ATP2B2: variants seen among roughly 807,000 people sequenced by gnomAD.
ATP2B2 encodes ATPase plasma membrane Ca2+ transporting 2, also known as plasma membrane calcium-transporting ATPase 2.
Under a neutral mutation model 120.0 loss-of-function variants are expected in ATP2B2, and 15 were observed. That is an observed-to-expected ratio of 0.12 (90% CI 0.08 to 0.19). ATP2B2 has a LOEUF of 0.19. ATP2B2 is among the 10% of genes least tolerant of loss of function. ATP2B2 has a pLI of 1.00. For synonymous variants in ATP2B2, 694 were observed against 700.3 expected, an observed-to-expected ratio of 0.99 and a Z score of 0.14; for missense variants, 1,045 against 1,719.8, an observed-to-expected ratio of 0.61 and a Z score of 6.94.
intron 1 of ATP2B2, among the ~76,000 whole-genome samples, chr3:10,663,079 C>T (rs1347235378): frequency 6.7e-5 from 8 of 118,980 alleles, no homozygotes; most frequent in African/African-American, 2.7e-4. Flanking sequence ...ACATCACACA[C>T]CGGGGCCTGT....
chr3:10,369,787 G>C (rs568939488), intron 12 of ATP2B2, among the ~76,000 whole-genome samples: 5 of 152,332 alleles, frequency 3.3e-5, no homozygotes, highest in East Asian at 1.9e-4. Context: ...TGAGGGATTT[G>C]AACGAAGGCA....
At chr3:10,581,863 G>C (rs66474854) in intron 2 of ATP2B2, among the ~76,000 whole-genome samples, 1 of 152,122 alleles carries the variant, frequency 6.6e-6, no homozygotes. Flanking sequence ...AAAGCAGATC[G>C]AACAGTGCCT....
chr3:10,596,639 G>A (rs4306838), intron 2 of ATP2B2, among the ~76,000 whole-genome samples: 142,921 of 152,364 alleles, frequency 0.94, 67,162 homozygotes, highest in East Asian at 1. Context: ...GAGGAAAACA[G>A]AAAGTCCCAG....
intron 1 of ATP2B2, among the ~76,000 whole-genome samples, chr3:10,471,370 G>GTGTGTGTGTT (rs2064989516): frequency 3.2e-5 from 1 of 31,744 alleles, no homozygotes; most frequent in Non-Finnish European, 5.0e-5. Flanking sequence ...AAACCTGTGT[G>GTGTGTGTGTT]TGTGTGTGTG....
chr3:10,701,645 C>A (rs1195756678), intron 1 of ATP2B2, among the ~76,000 whole-genome samples: 1 of 151,230 alleles, frequency 6.6e-6, no homozygotes, highest in Non-Finnish European at 1.5e-5. Flanking sequence ...CAAGACCCAT[C>A]ATTTCTTTTG....
Position 10,486,324 on chromosome 3 carries a change from C to CGTGTGTGCGTGTGT in ATP2B2, c.-320+19140_-320+19141insACACACGCACACAC, listed in dbSNP as rs763360449. On this transcript the variant is annotated intron_variant, in intron 1 of 22. Coordinates refer to ENST00000360273, the MANE Select transcript of ATP2B2 (RefSeq NM_001001331.4). ...AACAGCAGCCAGGTGTGTGTGCGTG[C>CGTGTGTGCGTGTGT]GTGTGTGTGTGTGTGTGTGTGTGTG... is the stretch of plus-strand genomic sequence containing the variant. Among the ~76,000 whole-genome samples, 630 of 117,152 alleles carry CGTGTGTGCGTGTGT rather than the reference C, an allele frequency of 5.4e-3. 4 individuals are homozygous for CGTGTGTGCGTGTGT. Among genetic ancestry groups the CGTGTGTGCGTGTGT allele is most frequent in the East Asian group, 0.019 (88 of 4,530 alleles). The allele number at this position is 117,152 out of a possible 152,430, so 76.9% of individuals were successfully genotyped here. A position where few individuals can be genotyped will look rare whatever the true frequency, so the allele number is the denominator to read the frequency against.
intron 8 of ATP2B2, among the ~76,000 whole-genome samples, chr3:10,384,871 G>T (rs965859286): frequency 6.6e-6 from 1 of 152,206 alleles, no homozygotes; most frequent in African/African-American, 2.4e-5. Flanking sequence ...TGGGGACCCA[G>T]ATGCCAGCTT....
At chr3:10,667,767 C>T (rs965768730) in intron 1 of ATP2B2, among the ~76,000 whole-genome samples, 8 of 152,118 alleles carry the variant, frequency 5.3e-5, no homozygotes, top group African/African-American at 9.7e-5. Context: ...GGAGAGCTGC[C>T]GTTAGAAGGA....
intron 1 of ATP2B2, among the ~76,000 whole-genome samples, chr3:10,502,712 G>A (rs748177277): frequency 2.0e-5 from 3 of 152,352 alleles, no homozygotes; most frequent in African/African-American, 4.8e-5. Flanking sequence ...GGCCACGCCC[G>A]CCTGGGGAAG....
At chr3:10,643,618 G>T (rs1403142398) in intron 1 of ATP2B2, among the ~76,000 whole-genome samples, 2 of 152,188 alleles carry the variant, frequency 1.3e-5, no homozygotes, top group Non-Finnish European at 2.9e-5. Context: ...ACACGTAACT[G>T]GAAGTTAATC....
In ATP2B2 at chr3:10,340,380, G is replaced by A. The variant is rs372202842; in HGVS notation, c.3130-31C>T. The A allele has an allele frequency of 4.4e-5, 71 of 1,613,044 alleles. No individual in the cohort carries two copies. The highest frequency in any genetic ancestry group is 5.7e-5 in the Non-Finnish European group (67 of 1,179,196). On this transcript the variant is annotated intron_variant, in intron 20 of 22. Coordinates refer to ENST00000360273, the MANE Select transcript of ATP2B2 (RefSeq NM_001001331.4). This position sits in a 1 kb window ranked among gnomAD's most constrained non-coding sequence, Gnocchi z 5.0. Reference sequence around the variant, plus strand: ...GGTCACAGGGGAGCAGAGAAAGAGAGAGAGAGAGGCCATCAGGGACCAGCA... The same window carrying A: ...GGTCACAGGGGAGCAGAGAAAGAGAAAGAGAGAGGCCATCAGGGACCAGCA...
At chr3:10,622,232 C>A (rs11706901) in intron 1 of ATP2B2, among the ~76,000 whole-genome samples, 1 of 151,936 alleles carries the variant, frequency 6.6e-6, no homozygotes, top group Non-Finnish European at 1.5e-5. Context: ...CTTTATCAGC[C>A]GTGCCCCCAT....
intron 1 of ATP2B2, among the ~76,000 whole-genome samples, chr3:10,665,644 C>T (rs1575604807): frequency 6.6e-6 from 1 of 152,202 alleles, no homozygotes; most frequent in African/African-American, 2.4e-5. Context: ...TGGGAATTTA[C>T]AGCTGAAACT....
chr3:10,443,900 A>G (rs1286871990), intron 2 of ATP2B2, among the ~76,000 whole-genome samples: 3 of 152,192 alleles, frequency 2.0e-5, no homozygotes, highest in Non-Finnish European at 2.9e-5. Context: ...AGATGAGAAA[A>G]CTGAGGTTGT....
intron 8 of ATP2B2, among the ~76,000 whole-genome samples, chr3:10,381,412 C>A (rs2061527069): frequency 6.6e-6 from 1 of 152,176 alleles, no homozygotes; most frequent in Non-Finnish European, 1.5e-5. Flanking sequence ...CTCAAAGGGG[C>A]CTTTATTTGC....
chr3:10,346,118 G>A lies in ATP2B2; in HGVS notation c.2424C>T (p.His808=), dbSNP rs1271169857. The part of the protein sequence containing the change: ...TLVKGIIDST[H]TEQRQVVAVT... ...CGGCCACCACCTGCCGCTGCTCAGT[G>A]TGTGTGCTGTCGATGATGCCTGTTG... is the stretch of plus-strand genomic sequence containing the variant. The change falls in exon 17 of 23, where the codon CAC becomes CAT. Residue 808 remains histidine (H), a synonymous_variant. Transcript: ENST00000360273. The surrounding 1 kb of genome is among the most constrained non-coding windows in gnomAD (Gnocchi z 4.1). The A allele has an allele frequency of 3.1e-6, 5 of 1,611,540 alleles. No homozygotes were observed. Among genetic ancestry groups the A allele is most frequent in the Non-Finnish European group, 4.2e-6 (5 of 1,179,970 alleles).
chr3:10,486,996 G>A (rs1240297172), intron 1 of ATP2B2, among the ~76,000 whole-genome samples: 3 of 152,138 alleles, frequency 2.0e-5, no homozygotes, highest in Non-Finnish European at 4.4e-5. Context: ...CCAAAGTGCT[G>A]GGATTACAGG....
rs2059879075 is a variant in ATP2B2, at chr3:10,327,548, AAATC to A, written c.*1262_*1265del. ...CCTGTAAGTTACTAAATAAAAAAAA[AAATC>A]AACACAATACCATTTATAATATTTC... On this transcript the variant is annotated 3_prime_UTR_variant, in exon 23 of 23. Transcript: ENST00000360273. 1 of 152,814 alleles carries A rather than the reference AAATC, an allele frequency of 6.5e-6. No homozygotes were observed. Among genetic ancestry groups the A allele is most frequent in the African/African-American group, 2.4e-5 (1 of 41,604 alleles). 9.5% of individuals were successfully genotyped at this position (152,814 alleles called of 1,614,324 possible).
At chr3:10,678,299 C>T (rs973741406) in intron 1 of ATP2B2, among the ~76,000 whole-genome samples, 11 of 152,192 alleles carry the variant, frequency 7.2e-5, no homozygotes, top group East Asian at 3.8e-4. Context: ...GTGCCTTCAT[C>T]GAACTGTTTG....
Sources: gnomAD v4.1 joint callset for allele counts (sites outside exome capture counted in the v4.1 genomes callset) on GRCh38, gnomAD v4.1.1 for gene constraint, Gnocchi (gnomAD v3.1) non-coding constraint, MANE v1.5 for transcripts, NCBI Gene and HGNC (gene_info 2026-07-23, HGNC 2026-07-21) for gene names.